PCDHGB2: variants seen among roughly 807,000 people sequenced by gnomAD.
The protein encoded by PCDHGB2 is protocadherin gamma subfamily B, 2, also known as protocadherin gamma-B2.
PCDHGB2 carries 55 observed loss-of-function variants against 59.3 expected under a neutral mutation model. The ratio of observed to expected loss-of-function variants is 0.93; its 90% CI spans 0.75 to 1.16. PCDHGB2 has a LOEUF of 1.16. Among genes scored for constraint, PCDHGB2 ranks in the 50% most tolerant of loss-of-function variants. PCDHGB2 has a pLI of 0.00. For synonymous variants in PCDHGB2, 516 were observed against 512.0 expected (o/e 1.01, Z -0.11); for missense variants, 1,228 against 1,198.5 (o/e 1.02, Z -0.36).
Position 141,374,782 on chromosome 5 carries a change from A to G in PCDHGB2, c.2421+12226A>G, listed in dbSNP as rs781674966. The G allele has an allele frequency of 1.9e-6, 3 of 1,613,904 alleles. No individual in the cohort carries two copies. The East Asian group carries it at 6.7e-5, about 36-fold the overall frequency. ...TCGCCCAAATTCTGGTAACAGTTCT[A>G]GATGTGAATGACAACACTCCAATGT... On this transcript the variant is annotated intron_variant, in intron 1 of 3. Coordinates refer to ENST00000522605, the MANE Select transcript of PCDHGB2 (RefSeq NM_018923.3).
At chr5:141,508,760 T>A (rs1004267844) in intron 3 of PCDHGB2, among the ~76,000 whole-genome samples, 17 of 151,522 alleles carry the variant, frequency 1.1e-4, no homozygotes, top group Admixed American at 1.1e-3. Flanking sequence ...CTCTGGCGCC[T>A]CTGAGGTCCC....
At chr5:141,382,922 G>A (rs760288273) in intron 1 of PCDHGB2, 35 of 1,561,514 alleles carry the variant, frequency 2.2e-5, no homozygotes, top group Non-Finnish European at 2.9e-5. Context: ...CCGAGGGGCG[G>A]GGACTACAGA....
In PCDHGB2 at chr5:141,360,906, G is replaced by A; in HGVS notation, c.771G>A (p.Pro257=). 2.5e-6 allele frequency: 4 copies of A among 1,614,012 alleles called. No homozygotes were observed. The highest frequency in any genetic ancestry group is 1.1e-5 in the South Asian group (1 of 91,086). The change falls in exon 1 of 4, where the codon CCG becomes CCA. Residue 257 remains proline, a synonymous_variant. Transcript: ENST00000522605. Reference sequence around the variant, plus strand: ...TCACCCTGAGGGAGGACGTGCCGCCGGGCTTCTTTGTGCTTCAAGTGACAG... The same window carrying A: ...TCACCCTGAGGGAGGACGTGCCGCCAGGCTTCTTTGTGCTTCAAGTGACAG... The part of the protein sequence containing the change: ...YRVTLREDVP[P]GFFVLQVTAT...
chr5:141,366,705 T>C, intron 1 of PCDHGB2: 2 of 1,614,234 alleles, frequency 1.2e-6, no homozygotes, highest in East Asian at 2.2e-5. Context: ...GAGCCTCTTC[T>C]GATGTCTGAT....
chr5:141,432,919 C>T lies in PCDHGB2; in HGVS notation c.2422-61888C>T. ...TGGCGCTCAGGCTGCGGCGCTGGCACAAGTCACGCCTGCTGCAGGCTTCAG... is the reference window on the plus strand; with the variant it reads ...TGGCGCTCAGGCTGCGGCGCTGGCATAAGTCACGCCTGCTGCAGGCTTCAG... On this transcript the variant is annotated intron_variant, in intron 1 of 3. Coordinates refer to ENST00000522605, the MANE Select transcript of PCDHGB2 (RefSeq NM_018923.3). The surrounding 1 kb of genome is among the most constrained non-coding windows in gnomAD (Gnocchi z 6.0). The T allele has an allele frequency of 2.5e-6, 4 of 1,614,210 alleles. No individual in the cohort carries two copies. Among genetic ancestry groups the T allele is most frequent in the Non-Finnish European group, 3.4e-6 (4 of 1,180,040 alleles).
chr5:141,474,563 A>G lies in PCDHGB2; in HGVS notation c.2422-20244A>G, dbSNP rs143794984. 1.4e-3 allele frequency among the ~76,000 whole-genome samples: 210 copies of G among 152,332 alleles called. 2 individuals are homozygous for G. The highest frequency in any genetic ancestry group is 5.0e-3 in the African/African-American group (207 of 41,572). ...TGAGCATTTAAAACTGGGGGTTTTC[A>G]GAGATTAATTGAAGTGTTAAAGACA... On this transcript the variant is annotated intron_variant, in intron 1 of 3. Coordinates refer to ENST00000522605, the MANE Select transcript of PCDHGB2 (RefSeq NM_018923.3).
intron 1 of PCDHGB2, among the ~76,000 whole-genome samples, chr5:141,473,831 A>G (rs950283433): frequency 1.3e-5 from 2 of 152,252 alleles, no homozygotes; most frequent in African/African-American, 4.8e-5. Context: ...GTGTGATCCA[A>G]TTAAAATTTT....
intron 1 of PCDHGB2, chr5:141,400,135 G>A (rs773410293): frequency 6.2e-7 from 1 of 1,614,074 alleles, no homozygotes; most frequent in Non-Finnish European, 8.5e-7. Flanking sequence ...GGTGCTGCCG[G>A]ATATCACTGA....
At chr5:141,480,763 A>G (rs541754723) in intron 1 of PCDHGB2, among the ~76,000 whole-genome samples, 1 of 152,308 alleles carries the variant, frequency 6.6e-6, no homozygotes, top group East Asian at 1.9e-4. Flanking sequence ...GAAGGTCCCC[A>G]CTTGATCCTA....
At position 141,510,839 on chromosome 5, in the gene PCDHGB2, C is replaced by G. The variant is rs186647886; in HGVS notation, c.2570-108C>G. The stretch of plus-strand genomic sequence containing the variant: ...CTATATTCCCAGTGCTCAGCGTGGT[C>G]AAGGCCCAGGGTGCTGTATAGGCAT... On this transcript the variant is annotated intron_variant, in intron 3 of 3. Coordinates refer to ENST00000522605, the MANE Select transcript of PCDHGB2 (RefSeq NM_018923.3). The G allele has an allele frequency of 6.5e-5, 103 of 1,587,108 alleles. No individual in the cohort carries two copies. The East Asian group carries it at 1.6e-3, about 25-fold the overall frequency.
At position 141,360,639 on chromosome 5, in the gene PCDHGB2, A is replaced by G. The variant is rs1226434354; in HGVS notation, c.504A>G (p.Gln168=). ...LDSDVGPNSL[Q]RYHLNDNEYF... ...CAGATGTTGGTCCTAACTCACTACA[A>G]AGATACCACCTTAATGACAACGAGT... Residue 168 remains glutamine, a synonymous_variant, in exon 1 of 4, where the codon CAA becomes CAG. Coordinates refer to ENST00000522605, the MANE Select transcript of PCDHGB2 (RefSeq NM_018923.3). The G allele has an allele frequency of 3.1e-6, 5 of 1,613,898 alleles. No individual in the cohort carries two copies. The highest frequency in any genetic ancestry group is 2.7e-5 in the African/African-American group (2 of 74,924).
Position 141,371,971 on chromosome 5 carries a change from G to A in PCDHGB2, c.2421+9415G>A, listed in dbSNP as rs372239619. On this transcript the variant is annotated intron_variant, in intron 1 of 3. Transcript: ENST00000522605. ...CGAGCCTTCGACCACGAGCAGCTGC[G>A]TGCCTTCGAGCTCACTCTGCAGGCC... 12 of 1,612,438 alleles carry A rather than the reference G, an allele frequency of 7.4e-6. No homozygotes were observed. Among genetic ancestry groups the A allele is most frequent in the African/African-American group, 6.7e-5 (5 of 75,070 alleles).
At chr5:141,378,368 C>A (rs1774846187) in intron 1 of PCDHGB2, 1 of 152,194 alleles carries the variant, frequency 6.6e-6, no homozygotes, top group Non-Finnish European at 1.5e-5. Context: ...ACTAAAAATA[C>A]AAAAATTAGC....
chr5:141,455,162 T>G (rs1002208156), intron 1 of PCDHGB2, among the ~76,000 whole-genome samples: 5 of 150,972 alleles, frequency 3.3e-5, no homozygotes, highest in African/African-American at 7.3e-5. Context: ...GTTTGTTGGT[T>G]TTTTTTTTAG....
At chr5:141,469,886 T>A (rs766990419) in intron 1 of PCDHGB2, among the ~76,000 whole-genome samples, 4 of 152,208 alleles carry the variant, frequency 2.6e-5, no homozygotes, top group Non-Finnish European at 4.4e-5. Context: ...ATCTCGGCAC[T>A]TTGGGAAGCC....
At chr5:141,433,237 A>G in intron 1 of PCDHGB2, 1 of 1,495,940 alleles carries the variant, frequency 6.7e-7, no homozygotes, top group South Asian at 1.3e-5. Flanking sequence ...TCTGTCTCCC[A>G]AGCTGGAATG....
rs566838507 is a variant in PCDHGB2, at chr5:141,415,047, G to T, written c.2421+52491G>T. ...GCGAGCCGGGACTCTTCGCGGTGGG[G>T]GAGCACACGGGCGAGGTGCGCACGG... On this transcript the variant is annotated intron_variant, in intron 1 of 3. Transcript: ENST00000522605. The T allele has an allele frequency of 4.2e-5, 67 of 1,613,220 alleles. 1 individual carries two copies. The Admixed American group carries it at 6.0e-4, about 14-fold the overall frequency.
chr5:141,365,349 T>A, intron 1 of PCDHGB2: 1 of 1,613,944 alleles, frequency 6.2e-7, no homozygotes, highest in Non-Finnish European at 8.5e-7. Context: ...GTACAGGACG[T>A]GAATGACAAT....
In PCDHGB2 at chr5:141,487,237, T is replaced by A. The variant is rs1327004790; in HGVS notation, c.2422-7570T>A. 1.2e-6 allele frequency: 2 copies of A among 1,614,122 alleles called. No individual in the cohort carries two copies. The highest frequency in any genetic ancestry group is 1.7e-6 in the Non-Finnish European group (2 of 1,179,980). On this transcript the variant is annotated intron_variant, in intron 1 of 3. Coordinates refer to ENST00000522605, the MANE Select transcript of PCDHGB2 (RefSeq NM_018923.3). This position sits in a 1 kb window ranked among gnomAD's most constrained non-coding sequence, Gnocchi z 5.0. ...CAGCTCCAAGGGAAGGAGAATCTCGTCTAACCCTCTACTTGGCTGTGTCCC... is the reference window on the plus strand; with the variant it reads ...CAGCTCCAAGGGAAGGAGAATCTCGACTAACCCTCTACTTGGCTGTGTCCC...
Sources: gnomAD v4.1 joint callset for allele counts (sites outside exome capture counted in the v4.1 genomes callset) on GRCh38, gnomAD v4.1.1 for gene constraint, Gnocchi (gnomAD v3.1) non-coding constraint, MANE v1.5 for transcripts, NCBI Gene and HGNC (gene_info 2026-07-23, HGNC 2026-07-21) for gene names.